ESS2: variants seen among roughly 807,000 people sequenced by gnomAD.
ESS2 encodes ess-2 spliceosome associated protein.
Under a neutral mutation model 52.0 loss-of-function variants are expected in ESS2, and 31 were observed. The ratio of observed to expected loss-of-function variants is 0.60; its 90% CI spans 0.45 to 0.81. The LOEUF is 0.81. Ranked by LOEUF, ESS2 falls within the 30% of genes least tolerant of loss-of-function variation. The probability of loss-of-function intolerance (pLI) is 0.00; values close to 1 mark genes in which losing one functional copy is unlikely to be tolerated. For synonymous variants in ESS2, 285 were observed against 259.2 expected, an observed-to-expected ratio of 1.10 and a Z score of -0.95; for missense variants, 602 against 637.2, an observed-to-expected ratio of 0.94 and a Z score of 0.59.
rs762765467 is a variant in ESS2 at position 19,144,617 on chromosome 22, C to A, written c.24G>T (p.Ala8=). Residue 8 remains alanine (A), a synonymous_variant, in exon 1 of 10, where the codon GCG becomes GCT. Transcript: ENST00000252137. ...ACGCGGCGGGAAGCAACAAGGACGACGCTGATGCGCCCGGCGTCTCCATCG... is the reference window on the plus strand; with the variant it reads ...ACGCGGCGGGAAGCAACAAGGACGAAGCTGATGCGCCCGGCGTCTCCATCG... METPGAS[A]SSLLLPAASR... 6.5e-7 allele frequency: 1 copy of A among 1,550,036 alleles called. No individual in the cohort carries two copies. Among genetic ancestry groups the A allele is most frequent in the Non-Finnish European group, 8.7e-7 (1 of 1,145,664 alleles).
intron 3 of ESS2, among the ~76,000 whole-genome samples, chr22:19,141,906 C>T (rs889637489): frequency 5.3e-5 from 8 of 152,132 alleles, no homozygotes; most frequent in Non-Finnish European, 1.2e-4. Context: ...GGGAGAATTG[C>T]TTGAACCTGG....
chr22:19,134,448 G>A lies in ESS2; in HGVS notation c.1179C>T (p.Ala393=). ...ASLTPKGLSP[A]MSPALQRLVS... The stretch of plus-strand genomic sequence containing the variant: ...CAAGGCGCTGTAGGGCTGGCGACAT[G>A]GCTGGGCTCAGGCCTTTGGGGGTGA... The change falls in exon 10 of 10, where the codon GCC becomes GCT. Residue 393 remains alanine, a synonymous_variant. Transcript: ENST00000252137. The A allele has an allele frequency of 6.3e-7, 1 of 1,583,948 alleles. No homozygotes were observed.
intron 3 of ESS2, among the ~76,000 whole-genome samples, chr22:19,142,099 C>T (rs1179438565): frequency 6.6e-6 from 1 of 152,230 alleles, no homozygotes; most frequent in East Asian, 1.9e-4. Flanking sequence ...TTCACACTGG[C>T]AGGTCAAGAA....
At chr22:19,142,452 C>T (rs937186909) in intron 3 of ESS2, 86 bp downstream of exon 3, 16 of 1,258,064 alleles carry the variant, frequency 1.3e-5, no homozygotes, top group Non-Finnish European at 1.7e-5. Flanking sequence ...GGCCTGCAGC[C>T]CTCTGGACCA....
At position 19,132,668 on chromosome 22, in the gene ESS2, T is replaced by A; in HGVS notation, c.*1528A>T. On this transcript the variant is annotated 3_prime_UTR_variant, in exon 10 of 10. Transcript: ENST00000252137. The surrounding 1 kb of genome is among the most constrained non-coding windows in gnomAD (Gnocchi z 4.2). ...ACTTAGCAGCAAAGACGTTCCTTACTGACCACCAAATAAACCACAGGGTGT... is the reference window on the plus strand; with the variant it reads ...ACTTAGCAGCAAAGACGTTCCTTACAGACCACCAAATAAACCACAGGGTGT... 1.6e-6 allele frequency: 1 copy of A among 622,778 alleles called. No homozygotes were observed. Among genetic ancestry groups the A allele is most frequent in the Non-Finnish European group, 2.8e-6 (1 of 355,276 alleles). The allele number at this position is 622,778 out of a possible 1,614,324, so 38.6% of individuals were successfully genotyped here.
Position 19,131,822 on chromosome 22 carries a change from C to T in ESS2, c.*2374G>A. ...TCCACCGGGACCTCAAGTGCGAGAA[C>T]CTTCTCCTCGACAAGGACTTCAACA... On this transcript the variant is annotated 3_prime_UTR_variant, in exon 10 of 10. Coordinates refer to ENST00000252137, the MANE Select transcript of ESS2 (RefSeq NM_022719.3). This position sits in a 1 kb window ranked among gnomAD's most constrained non-coding sequence, Gnocchi z 5.7. 6.2e-7 allele frequency: 1 copy of T among 1,614,184 alleles called. No individual in the cohort carries two copies. Among genetic ancestry groups the T allele is most frequent in the Non-Finnish European group, 8.5e-7 (1 of 1,180,036 alleles).
chr22:19,140,957 T>C (rs1445955338), intron 3 of ESS2, among the ~76,000 whole-genome samples: 1 of 152,160 alleles, frequency 6.6e-6, no homozygotes, highest in Non-Finnish European at 1.5e-5. Context: ...GATTCCTATA[T>C]TTACTGGCAT....
Position 19,134,407 on chromosome 22 carries a change from C to T in ESS2, c.1220G>A (p.Ser407Asn). ...CCGCAGGGCCCGGTCTGTGTACTTG[C>T]TGGCCGTCCTGCTCACAAGGCGCTG... ...ALQRLVSRTA[S>N]KYTDRALRAS... is the part of the protein sequence containing the mutation. The change falls in exon 10 of 10, where the codon AGC becomes AAC. Residue 407 changes from serine (S) to asparagine (N), a missense_variant. Transcript: ENST00000252137. 1 of 1,608,330 alleles carries T rather than the reference C, an allele frequency of 6.2e-7. No homozygotes were observed.
In ESS2 at chr22:19,142,549, C is replaced by T. The variant is rs1452426012; in HGVS notation, c.389G>A (p.Gly130Asp). ...GCACCCTCACTCACCATCCTCCAGG[C>T]CTCGGCCGCGGGGCCTGGGCTTGTT... ...VGNKPRPRGR[G>D]LEDGEAGEEE... The change falls in exon 3 of 10, where the codon GGC becomes GAC. Residue 130 changes from glycine (G) to aspartate (D), a missense_variant. Transcript: ENST00000252137. The T allele has an allele frequency of 2.5e-6, 4 of 1,606,114 alleles. No individual in the cohort carries two copies. The Admixed American group carries it at 5.2e-5, about 21-fold the overall frequency.
chr22:19,135,653 T>C (rs1293906357), intron 8 of ESS2, among the ~76,000 whole-genome samples: 1 of 152,252 alleles, frequency 6.6e-6, no homozygotes, highest in Non-Finnish European at 1.5e-5. Flanking sequence ...GTTTCATTTA[T>C]AACATTTTCT....
At position 19,130,406 on chromosome 22, in the gene ESS2, C is replaced by T. The variant is rs79194798; in HGVS notation, c.*3790G>A. The T allele has an allele frequency of 0.017, 3,275 of 197,608 alleles. 114 individuals are homozygous for T. Among genetic ancestry groups the T allele is most frequent in the East Asian group, 0.067 (454 of 6,820 alleles). The allele number at this position is 197,608 out of a possible 1,614,324, so 12.2% of individuals were successfully genotyped here. ...TAGGTTGGGGTTATGTGCCTACATG[C>T]AGTACAGCAATCACCTAAGTCTACT... On this transcript the variant is annotated 3_prime_UTR_variant, in exon 10 of 10. Coordinates refer to ENST00000252137, the MANE Select transcript of ESS2 (RefSeq NM_022719.3).
Position 19,144,610 on chromosome 22 carries a change from AG to A in ESS2, c.30del (p.Leu11CysfsTer93), listed in dbSNP as rs1396721819. 1 of 1,581,134 alleles carries A rather than the reference AG, an allele frequency of 6.3e-7. No homozygotes were observed. Among genetic ancestry groups the A allele is most frequent in the East Asian group, 2.3e-5 (1 of 42,682 alleles). On this transcript the variant is annotated frameshift_variant, in exon 1 of 10. Transcript: ENST00000252137. LOFTEE classifies it high-confidence loss of function. Reference protein sequence around the residue: METPGASASSLLLPAASRPP... With the variant: METPGASASXLLLPAASRPP... The stretch of plus-strand genomic sequence containing the variant: ...GGCCTGGACGCGGCGGGAAGCAACA[AG>A]GACGACGCTGATGCGCCCGGCGTCT...
chr22:19,141,657 A>G lies in ESS2; in HGVS notation c.400+881T>C, dbSNP rs995588100. 2.0e-4 allele frequency among the ~76,000 whole-genome samples: 30 copies of G among 152,208 alleles called. 1 individual carries two copies. The highest frequency in any genetic ancestry group is 8.8e-5 in the Non-Finnish European group (6 of 68,046). ...TTCTGCTCTTGTGCAAGGGATGCCA[A>G]TTAGGGAAAGAGACCATAAACAGAA... is the stretch of plus-strand genomic sequence containing the variant. On this transcript the variant is annotated intron_variant, in intron 3 of 9. Coordinates refer to ENST00000252137, the MANE Select transcript of ESS2 (RefSeq NM_022719.3).
rs746209813 is a variant in ESS2, at chr22:19,131,887, G to A, written c.*2309C>T. The A allele has an allele frequency of 7.4e-6, 12 of 1,614,002 alleles. No individual in the cohort carries two copies. The highest frequency in any genetic ancestry group is 5.0e-5 in the Admixed American group (3 of 60,008). ...TTTGGCTTCTCCAAGCGCTGCCTGC[G>A]GGACAGCAATGGGCGCATCATCCTC... On this transcript the variant is annotated 3_prime_UTR_variant, in exon 10 of 10. Coordinates refer to ENST00000252137, the MANE Select transcript of ESS2 (RefSeq NM_022719.3). The surrounding 1 kb of genome is among the most constrained non-coding windows in gnomAD (Gnocchi z 5.7).
intron 7 of ESS2, chr22:19,137,735 T>C (rs2146096212): frequency 1.0e-6 from 1 of 984,902 alleles, no homozygotes; most frequent in African/African-American, 1.7e-5. Flanking sequence ...CTCCCAAACC[T>C]CCTAGAACCC....
chr22:19,142,555 C>G lies in ESS2; in HGVS notation c.383G>C (p.Gly128Ala), dbSNP rs759010652. The G allele has an allele frequency of 1.2e-6, 2 of 1,609,302 alleles. No homozygotes were observed. Among genetic ancestry groups the G allele is most frequent in the East Asian group, 4.5e-5 (2 of 44,872 alleles). Residue 128 changes from glycine to alanine, a missense_variant, in exon 3 of 10, where the codon GGC becomes GCC. Coordinates refer to ENST00000252137, the MANE Select transcript of ESS2 (RefSeq NM_022719.3). ...TCACTCACCATCCTCCAGGCCTCGGCCGCGGGGCCTGGGCTTGTTGCCCAC... is the reference window on the plus strand; with the variant it reads ...TCACTCACCATCCTCCAGGCCTCGGGCGCGGGGCCTGGGCTTGTTGCCCAC... ...GVVGNKPRPR[G>A]RGLEDGEAGE...
Position 19,137,408 on chromosome 22 carries a change from G to A in ESS2, c.950C>T (p.Thr317Ile), listed in dbSNP as rs1458368861. ...GGGTGTGTTCTCAACCTCCCCCCAG[G>A]TCATCATCGGGGACTCGTTCACACC... ...APGVNESPMM[T>I]WGEVENTPLR... Residue 317 changes from threonine to isoleucine, a missense_variant, in exon 8 of 10, where the codon ACC becomes ATC. Transcript: ENST00000252137. The A allele has an allele frequency of 9.3e-6, 15 of 1,613,356 alleles. No individual in the cohort carries two copies. The highest frequency in any genetic ancestry group is 1.3e-5 in the Non-Finnish European group (15 of 1,179,644).
Position 19,134,459 on chromosome 22 carries a change from G to C in ESS2, c.1168C>G (p.Leu390Val), listed in dbSNP as rs146152930. Reference sequence around the variant, plus strand: ...AGGGCTGGCGACATGGCTGGGCTCAGGCCTTTGGGGGTGAGGCTGGGGTGG... The same window carrying C: ...AGGGCTGGCGACATGGCTGGGCTCACGCCTTTGGGGGTGAGGCTGGGGTGG... The part of the protein sequence containing the change: ...ENLASLTPKG[L>V]SPAMSPALQR... Residue 390 changes from leucine (L) to valine (V), a missense_variant, in exon 10 of 10, where the codon CTG becomes GTG. By Grantham distance (32) the Leu-to-Val change is conservative. Coordinates refer to ENST00000252137, the MANE Select transcript of ESS2 (RefSeq NM_022719.3). The C allele has an allele frequency of 5.2e-5, 82 of 1,567,142 alleles. No homozygotes were observed. In the African/African-American group the frequency reaches 9.4e-4, roughly 18 times the overall value.
At chr22:19,140,146 G>T in intron 3 of ESS2, 122 bp from the exon 4 acceptor site, 1 of 1,266,742 alleles carries the variant, frequency 7.9e-7, no homozygotes, top group Non-Finnish European at 1.1e-6. Flanking sequence ...CCTGGTCCTG[G>T]CTTCTGCCCA....
Sources: gnomAD v4.1 joint callset for allele counts (sites outside exome capture counted in the v4.1 genomes callset) on GRCh38, gnomAD v4.1.1 for gene constraint, Gnocchi (gnomAD v3.1) non-coding constraint, MANE v1.5 for transcripts, NCBI Gene and HGNC (gene_info 2026-07-23, HGNC 2026-07-21) for gene names.